Variants in PHF24 observed in about 807,000 individuals in gnomAD.
PHF24 encodes the protein Galpha inhibitory interacting protein.
PHF24 carries 25 observed loss-of-function variants against 42.6 expected under a neutral mutation model. That is an observed-to-expected ratio of 0.59 (90% CI 0.43 to 0.82). The LOEUF (loss-of-function observed/expected upper bound fraction) is 0.82, where lower values mean the gene tolerates loss of function less well. PHF24 is among the 40% of genes least tolerant of loss of function. PHF24 has a pLI of 0.00. For synonymous variants in PHF24, 185 were observed against 204.8 expected (o/e 0.90, Z 0.83); for missense variants, 470 against 538.1 (o/e 0.87, Z 1.25).
the PHF24 span, among the ~76,000 whole-genome samples, chr9:34,935,051 A>C: frequency 6.6e-6 from 1 of 152,216 alleles, no homozygotes; most frequent in South Asian, 2.1e-4. Context: ...GAGAAATATA[A>C]GAAAAAGCAG....
the PHF24 span, chr9:34,922,837 C>T: frequency 1.3e-6 from 2 of 1,590,680 alleles, no homozygotes; most frequent in African/African-American, 2.7e-5. Flanking sequence ...TGCTCAGTTA[C>T]AGACTTCATG....
chr9:34,756,624 A>G, the PHF24 span, among the ~76,000 whole-genome samples: 1 of 152,150 alleles, frequency 6.6e-6, no homozygotes, highest in Admixed American at 6.5e-5. Flanking sequence ...GCTTTGTAGT[A>G]TATTTTGAAG....
chr9:34,894,046 G>C, the PHF24 span, among the ~76,000 whole-genome samples: 1 of 152,238 alleles, frequency 6.6e-6, no homozygotes, highest in Non-Finnish European at 1.5e-5. Context: ...AGGAGGTAAT[G>C]TCAGCAGAAT....
chr9:34,888,357 G>T, the PHF24 span, among the ~76,000 whole-genome samples: 1 of 152,242 alleles, frequency 6.6e-6, no homozygotes, highest in African/African-American at 2.4e-5. Context: ...CATAGTGCCT[G>T]CCACATAGCA....
the PHF24 span, among the ~76,000 whole-genome samples, chr9:34,761,942 C>A: frequency 1.3e-5 from 2 of 151,906 alleles, no homozygotes; most frequent in Admixed American, 1.3e-4. Flanking sequence ...TGAGAATATG[C>A]GGTGTTTGGT....
chr9:34,690,998 C>A, the PHF24 span: 1 of 1,125,292 alleles, frequency 8.9e-7, no homozygotes. Context: ...CTCACCATGT[C>A]CCTTACGTCC....
the PHF24 span, among the ~76,000 whole-genome samples, chr9:34,803,489 A>C: frequency 5.9e-5 from 9 of 152,068 alleles, no homozygotes; most frequent in African/African-American, 2.2e-4. Flanking sequence ...AGAAAAGCAA[A>C]GGGGTGAGGC....
chr9:34,783,698 T>C, the PHF24 span, among the ~76,000 whole-genome samples: 1 of 152,370 alleles, frequency 6.6e-6, no homozygotes, highest in Non-Finnish European at 1.5e-5. Context: ...GGACTTGGAA[T>C]TTGATCAGTT....
chr9:34,902,567 C>A, the PHF24 span, among the ~76,000 whole-genome samples: 1 of 152,020 alleles, frequency 6.6e-6, no homozygotes, highest in African/African-American at 2.4e-5. Flanking sequence ...GGTGGGAAGA[C>A]CTTTTGAAAC....
chr9:34,917,125 CGG>C, the PHF24 span: 6 of 854,046 alleles, frequency 7.0e-6, no homozygotes, highest in Non-Finnish European at 1.2e-5. Flanking sequence ...CTCGCTCTCG[CGG>C]CCTACCTTTA....
At chr9:34,768,612 C>A in the PHF24 span, among the ~76,000 whole-genome samples, 2 of 152,074 alleles carry the variant, frequency 1.3e-5, no homozygotes, top group Non-Finnish European at 2.9e-5. Context: ...CTGTGCCTGG[C>A]GTACGTTGGT....
the PHF24 span, among the ~76,000 whole-genome samples, chr9:34,763,875 A>G: frequency 1.3e-5 from 2 of 152,216 alleles, no homozygotes; most frequent in Non-Finnish European, 2.9e-5. Context: ...AAGTCCCATC[A>G]ATACCTAATT....
the PHF24 span, among the ~76,000 whole-genome samples, chr9:34,824,893 G>A: frequency 2.0e-5 from 3 of 152,176 alleles, no homozygotes; most frequent in East Asian, 1.9e-4. Context: ...TAAACATTTT[G>A]GATCACAGTC....
the PHF24 span, among the ~76,000 whole-genome samples, chr9:34,860,708 G>GTGTA: frequency 6.6e-6 from 1 of 151,594 alleles, no homozygotes; most frequent in Non-Finnish European, 1.5e-5. Context: ...GTGTGTGTGT[G>GTGTA]CATGCACTCG....
the PHF24 span, among the ~76,000 whole-genome samples, chr9:34,768,156 G>A: frequency 6.6e-6 from 1 of 152,176 alleles, no homozygotes. Context: ...CAAATGACAA[G>A]TTCAAAGACA....
At chr9:34,770,732 A>C in the PHF24 span, among the ~76,000 whole-genome samples, 2 of 151,544 alleles carry the variant, frequency 1.3e-5, no homozygotes, top group East Asian at 3.8e-4. Context: ...GAAAGGGAAG[A>C]GGGCAACACT....
the PHF24 span, among the ~76,000 whole-genome samples, chr9:34,874,446 C>T: frequency 1.3e-5 from 2 of 152,292 alleles, no homozygotes; most frequent in South Asian, 4.1e-4. Context: ...TCACCTCTTT[C>T]TGGAGTTTCT....
At chr9:34,687,294 C>T in the PHF24 span, among the ~76,000 whole-genome samples, 1 of 152,212 alleles carries the variant, frequency 6.6e-6, no homozygotes, top group East Asian at 1.9e-4. Flanking sequence ...CAGAGGGTGG[C>T]CCCAGGGAGA....
At chr9:34,738,793 A>G in the PHF24 span, among the ~76,000 whole-genome samples, 1 of 152,174 alleles carries the variant, frequency 6.6e-6, no homozygotes, top group Non-Finnish European at 1.5e-5. Flanking sequence ...TCCCCAGCTT[A>G]TGCTCCCTTG....
Sources: allele counts gnomAD v4.1 joint callset (sites outside exome capture counted in the v4.1 genomes callset), GRCh38; gene constraint gnomAD v4.1.1; transcripts MANE v1.5; gene names NCBI Gene and HGNC (gene_info 2026-07-23, HGNC 2026-07-21).